NCAPD2: variants seen among roughly 807,000 people sequenced by gnomAD.
NCAPD2 encodes the protein non-SMC condensin I complex subunit D2, also known as condensin complex subunit 1.
A neutral mutation model predicts 164.5 loss-of-function variants in NCAPD2; 100 were observed. The ratio of observed to expected loss-of-function variants is 0.61; its 90% CI spans 0.52 to 0.72. The LOEUF is 0.72. Among genes scored for constraint, NCAPD2 ranks in the 30% least tolerant of loss-of-function variants. The probability of loss-of-function intolerance (pLI) is 0.00; values close to 1 mark genes in which losing one functional copy is unlikely to be tolerated. For synonymous variants in NCAPD2, 585 were observed against 642.6 expected (o/e 0.91, Z 1.36); for missense variants, 1,560 against 1,749.2 (o/e 0.89, Z 1.93).
At chr12:6,513,713 G>GTATTTTTT (rs1303520172) in intron 6 of NCAPD2, among the ~76,000 whole-genome samples, 1 of 50,124 alleles carries the variant, frequency 2.0e-5, no homozygotes, top group Non-Finnish European at 3.9e-5. Context: ...TGGTGACTTT[G>GTATTTTTT]TCTTTTTTTT....
chr12:6,495,538 G>A (rs1945971585), intron 2 of NCAPD2, among the ~76,000 whole-genome samples: 1 of 152,100 alleles, frequency 6.6e-6, no homozygotes, highest in Admixed American at 6.5e-5. Flanking sequence ...AGAGTTATAG[G>A]AGTGGATCGC....
Position 6,518,509 on chromosome 12 carries a change from T to TG in NCAPD2, c.1589+550_1589+551insG, listed in dbSNP as rs1555139592. 3.6e-3 allele frequency among the ~76,000 whole-genome samples: 343 copies of TG among 95,624 alleles called. 15 individuals carry two copies. The highest frequency in any genetic ancestry group is 4.1e-3 in the African/African-American group (88 of 21,334). The allele number at this position is 95,624 out of a possible 152,430, so 62.7% of individuals were successfully genotyped here. A position where few individuals can be genotyped will look rare whatever the true frequency, so the allele number is the denominator to read the frequency against. On this transcript the variant is annotated intron_variant, in intron 13 of 31. Transcript: ENST00000315579. ...GCCCTTACAGCCGTCAACAAGTTTT[T>TG]TTTTTTTTTTTTTTTTTTTTTTTTT...
chr12:6,506,818 C>G (rs1049683128), intron 2 of NCAPD2, among the ~76,000 whole-genome samples: 2 of 152,090 alleles, frequency 1.3e-5, no homozygotes, highest in African/African-American at 2.4e-5. Flanking sequence ...GCACTCCAGC[C>G]TGGGAGACAG....
At chr12:6,509,519 C>T (rs1367426655) in intron 2 of NCAPD2, among the ~76,000 whole-genome samples, 198 bp from the exon 3 acceptor site, 1 of 152,208 alleles carries the variant, frequency 6.6e-6, no homozygotes, top group Non-Finnish European at 1.5e-5. Context: ...GTCTCAGCCT[C>T]CCAAAGTGCT....
chr12:6,514,187 T>C, intron 6 of NCAPD2, 78 bp from the exon 7 acceptor site: 1 of 1,580,704 alleles, frequency 6.3e-7, no homozygotes, highest in South Asian at 1.1e-5. Flanking sequence ...GCAGTAGGGA[T>C]AGAATGAATG....
intron 15 of NCAPD2, 131 bp from the exon 16 acceptor site, chr12:6,522,697 A>G: frequency 1.1e-6 from 1 of 934,560 alleles, no homozygotes; most frequent in Non-Finnish European, 1.7e-6. Context: ...GCATCATAGG[A>G]GGAGTCGACA....
intron 6 of NCAPD2, among the ~76,000 whole-genome samples, chr12:6,511,562 C>A (rs914234117): frequency 6.6e-6 from 1 of 152,064 alleles, no homozygotes; most frequent in South Asian, 2.1e-4. Flanking sequence ...CTCCTAACCT[C>A]AGGTGATCTC....
At chr12:6,511,337 T>C (rs1946144592) in intron 6 of NCAPD2, 85 bp downstream of exon 6, 1 of 1,500,064 alleles carries the variant, frequency 6.7e-7, no homozygotes. Flanking sequence ...TGGTTTTGTT[T>C]TTTTTTTGTG....
At chr12:6,527,181 C>A in intron 22 of NCAPD2, 118 bp downstream of exon 22, 1 of 1,093,724 alleles carries the variant, frequency 9.1e-7, no homozygotes, top group Non-Finnish European at 1.3e-6. Context: ...GAGTTTCTGC[C>A]TCTCTGTGGC....
rs760980157 is a variant in NCAPD2, at chr12:6,528,132, G to A, written c.3143+41G>A. ...GGTACCCCCTTCTCAAGGAAGATGG[G>A]GATGAAATGGCTTCCCTAATGATCC... On this transcript the variant is annotated intron_variant, in intron 24 of 31. Transcript: ENST00000315579. The surrounding 1 kb of genome is among the most constrained non-coding windows in gnomAD (Gnocchi z 5.1). The A allele has an allele frequency of 6.2e-7, 1 of 1,614,190 alleles. No individual in the cohort carries two copies. Among genetic ancestry groups the A allele is most frequent in the South Asian group, 1.1e-5 (1 of 91,084 alleles).
At chr12:6,519,146 T>G (rs1203863978) in intron 13 of NCAPD2, among the ~76,000 whole-genome samples, 1 of 152,184 alleles carries the variant, frequency 6.6e-6, no homozygotes, top group Admixed American at 6.5e-5. Flanking sequence ...TGCCTCGGCC[T>G]CCCAAAGTGC....
intron 2 of NCAPD2, among the ~76,000 whole-genome samples, chr12:6,509,264 AT>A (rs1218862396): frequency 1.3e-5 from 2 of 150,838 alleles, no homozygotes; most frequent in Non-Finnish European, 3.0e-5. Context: ...ATTTTATTTT[AT>A]TTTTTTTTGA....
chr12:6,510,958 C>T (rs1946140955), intron 5 of NCAPD2, 148 bp downstream of exon 5: 2 of 1,278,066 alleles, frequency 1.6e-6, no homozygotes, highest in African/African-American at 3.0e-5. Flanking sequence ...ACGTTTTCTT[C>T]CTGGACAAGT....
chr12:6,497,962 C>T (rs1428735936), intron 2 of NCAPD2, among the ~76,000 whole-genome samples: 3 of 139,212 alleles, frequency 2.2e-5, no homozygotes, highest in African/African-American at 8.2e-5. Context: ...GAGACAAGGT[C>T]TCATTTTGTT....
At chr12:6,519,406 T>C (rs1946243717) in intron 13 of NCAPD2, among the ~76,000 whole-genome samples, 1 of 152,198 alleles carries the variant, frequency 6.6e-6, no homozygotes, top group Non-Finnish European at 1.5e-5. Context: ...TGGAGTACAG[T>C]AGCGCAATCA....
chr12:6,528,701 G>C lies in NCAPD2; in HGVS notation c.3322G>C (p.Val1108Leu). The change falls in exon 26 of 32, where the codon GTG becomes CTG. Residue 1108 changes from valine (V) to leucine (L), a missense_variant. By Grantham distance (32) the Val-to-Leu change is conservative. Transcript: ENST00000315579. This position sits in a 1 kb window ranked among gnomAD's most constrained non-coding sequence, Gnocchi z 5.1. ...TAGTCTCCGGGACCCTGCTCAGCAA[G>C]TGCGGAAAACAGCGGGGCTGGTGAT... ...YARLRDPAQQ[V>L]RKTAGLVMTH... 2 of 1,613,398 alleles carry C rather than the reference G, an allele frequency of 1.2e-6. No individual in the cohort carries two copies. The highest frequency in any genetic ancestry group is 2.2e-5 in the South Asian group (2 of 91,086).
At chr12:6,527,132 T>C (rs1946325044) in intron 22 of NCAPD2, 69 bp downstream of exon 22, 3 of 1,443,196 alleles carry the variant, frequency 2.1e-6, no homozygotes, top group Admixed American at 4.7e-5. Context: ...CTGATCCCCT[T>C]CCGGCAATCT....
intron 2 of NCAPD2, among the ~76,000 whole-genome samples, chr12:6,504,198 TATATATATATATATATATA>T (rs1946071733): frequency 3.7e-5 from 1 of 27,244 alleles, no homozygotes; most frequent in African/African-American, 1.6e-4. Flanking sequence ...TATATATATA[TATATATATATATATATATA>T]GATATAGATA....
chr12:6,525,955 G>GCT, intron 18 of NCAPD2, 113 bp from the exon 19 acceptor site: 1 of 1,405,390 alleles, frequency 7.1e-7, no homozygotes, highest in Non-Finnish European at 9.7e-7. Flanking sequence ...ACGCTATAGT[G>GCT]CTCCACGGCT....
Sources: gnomAD v4.1 joint callset for allele counts (sites outside exome capture counted in the v4.1 genomes callset) on GRCh38, gnomAD v4.1.1 for gene constraint, Gnocchi (gnomAD v3.1) non-coding constraint, MANE v1.5 for transcripts, NCBI Gene and HGNC (gene_info 2026-07-23, HGNC 2026-07-21) for gene names.